ZNF341: variants seen among roughly 807,000 people sequenced by gnomAD.
The protein encoded by ZNF341 is zinc finger protein 341.
Under a neutral mutation model 87.7 loss-of-function variants are expected in ZNF341, and 52 were observed. The ratio of observed to expected loss-of-function variants is 0.59; its 90% CI spans 0.47 to 0.75. The LOEUF (loss-of-function observed/expected upper bound fraction) is 0.75. ZNF341 is among the 30% of genes least tolerant of loss of function. ZNF341 has a pLI of 0.00. For synonymous variants in ZNF341, 459 were observed against 472.7 expected (o/e 0.97, Z 0.38); for missense variants, 977 against 1,145.9 (o/e 0.85, Z 2.13).
rs1397842945 is a variant in ZNF341, at chr20:33,791,685, C to A, written c.*168C>A. On this transcript the variant is annotated 3_prime_UTR_variant, in exon 15 of 15. Coordinates refer to ENST00000375200, the MANE Select transcript of ZNF341 (RefSeq NM_001282933.2). ...CTCAGCCCATGGTCGCCCTCCTGTG[C>A]CCCTCTCCTGCCGGAAAGCCCTGCA... The A allele has an allele frequency of 3.9e-6, 3 of 762,840 alleles. No individual in the cohort carries two copies. In the African/African-American group the frequency reaches 5.2e-5, roughly 13 times the overall value. The allele number at this position is 762,840 out of a possible 1,614,324, so 47.3% of individuals were successfully genotyped here. A position where few individuals can be genotyped will look rare whatever the true frequency, so the allele number is the denominator to read the frequency against.
chr20:33,744,948 T>C (rs1052736169), intron 2 of ZNF341, among the ~76,000 whole-genome samples, 155 bp from the exon 3 acceptor site: 1 of 152,176 alleles, frequency 6.6e-6, no homozygotes, highest in African/African-American at 2.4e-5. Context: ...GACACCTGCA[T>C]GTCAAGTCGC....
At chr20:33,779,582 C>G (rs2019699093) in intron 10 of ZNF341, among the ~76,000 whole-genome samples, 1 of 151,764 alleles carries the variant, frequency 6.6e-6, no homozygotes, top group African/African-American at 2.4e-5. Context: ...TCCTGAGTAG[C>G]TGGGGTTACA....
intron 5 of ZNF341, 102 bp downstream of exon 5, chr20:33,753,525 G>A (rs535289945): frequency 6.6e-4 from 935 of 1,421,850 alleles, no homozygotes; most frequent in Middle Eastern, 9.1e-4. Flanking sequence ...CTGTGCTGGG[G>A]ATACCATGAA....
chr20:33,772,023 A>AAAAAAAAAC (rs2019543995), intron 10 of ZNF341, among the ~76,000 whole-genome samples: 1 of 149,726 alleles, frequency 6.7e-6, no homozygotes, highest in African/African-American at 2.5e-5. Flanking sequence ...AAAAAAAAAA[A>AAAAAAAAAC]AAAAAAAAAA....
At chr20:33,756,320 G>A (rs1423065933) in intron 5 of ZNF341, among the ~76,000 whole-genome samples, 1 of 151,826 alleles carries the variant, frequency 6.6e-6, no homozygotes. Context: ...AGGAAGTGGA[G>A]CAGCTGGGGG....
chr20:33,737,294 G>GT (rs2018709469), intron 1 of ZNF341, among the ~76,000 whole-genome samples: 2 of 152,120 alleles, frequency 1.3e-5, no homozygotes, highest in Non-Finnish European at 2.9e-5. Context: ...CAGAGACTAG[G>GT]TTTTTTATTT....
rs187023136 is a variant in ZNF341, at chr20:33,753,480, C to T, written c.741+57C>T. 4.2e-4 allele frequency: 628 copies of T among 1,486,338 alleles called. 8 individuals are homozygous for T. The East Asian group carries it at 0.01, about 24-fold the overall frequency. 92.1% of individuals were successfully genotyped at this position (1,486,338 alleles called of 1,614,324 possible). On this transcript the variant is annotated intron_variant, in intron 5 of 14. Coordinates refer to ENST00000375200, the MANE Select transcript of ZNF341 (RefSeq NM_001282933.2). ...CTGGTCATGGACATCATGGCCAACC[C>T]GGACCCATCCTGAGCACCAGCTGTG...
In ZNF341 at chr20:33,791,119, C is replaced by T. The variant is rs549813049; in HGVS notation, c.2167C>T (p.His723Tyr). 24 of 1,613,258 alleles carry T rather than the reference C, an allele frequency of 1.5e-5. No homozygotes were observed. Among genetic ancestry groups the T allele is most frequent in the Middle Eastern group, 1.6e-4 (1 of 6,084 alleles). The stretch of plus-strand genomic sequence containing the variant: ...TGGCTGCGCCAAGGGCTTTTCCCGC[C>T]ACAAATACCTCAAAGATCACCGCTG... Reference protein sequence around the residue: ...CAGCAKGFSRHKYLKDHRCRL... With the variant: ...CAGCAKGFSRYKYLKDHRCRL... The change falls in exon 15 of 15, where the codon CAC becomes TAC. Residue 723 changes from histidine (H) to tyrosine (Y), a missense_variant. Around this residue, in one of 3 missense-constraint regions of ZNF341, gnomAD observed 221 missense variants for 212.7 expected, o/e 1.04. Transcript: ENST00000375200.
At chr20:33,760,007 C>A (rs183149833) in intron 7 of ZNF341, among the ~76,000 whole-genome samples, 32 of 152,332 alleles carry the variant, frequency 2.1e-4, no homozygotes, top group African/African-American at 7.2e-4. Context: ...CTGTGACAAT[C>A]AAAAATGCCA....
rs2020025023 is a variant in ZNF341 at position 33,791,363 on chromosome 20, T to C, written c.2411T>C (p.Val804Ala). The C allele has an allele frequency of 6.2e-7, 1 of 1,612,606 alleles. No individual in the cohort carries two copies. Among genetic ancestry groups the C allele is most frequent in the African/African-American group, 1.3e-5 (1 of 75,014 alleles). The change falls in exon 15 of 15, where the codon GTT becomes GCT. Residue 804 changes from valine to alanine, a missense_variant. Physicochemically the swap from Val to Ala is moderately conservative, Grantham distance 64. Around this residue, in one of 3 missense-constraint regions of ZNF341, gnomAD observed 221 missense variants for 212.7 expected, o/e 1.04. Coordinates refer to ENST00000375200, the MANE Select transcript of ZNF341 (RefSeq NM_001282933.2). ...GAGCCGGACGCGGTGCTGTCCATCG[T>C]TGTGGGTGGTGCGGTGGGCGCGGAA... ...FAEPDAVLSI[V>A]VGGAVGAETE...
chr20:33,783,805 T>G lies in ZNF341; in HGVS notation c.1793T>G (p.Val598Gly). ...AGCGGGGGCAGGTTCAAGTGCCAAGTGTGCAAGAAGTTCTTCCGGCGGGAG... is the reference window on the plus strand; with the variant it reads ...AGCGGGGGCAGGTTCAAGTGCCAAGGGTGCAAGAAGTTCTTCCGGCGGGAG... Reference protein sequence around the residue: ...HGSGGRFKCQVCKKFFRREHY... With the variant: ...HGSGGRFKCQGCKKFFRREHY... Residue 598 changes from valine to glycine, a missense_variant, in exon 12 of 15, where the codon GTG becomes GGG. Physicochemically the swap from Val to Gly is moderately radical, Grantham distance 109. Coordinates refer to ENST00000375200, the MANE Select transcript of ZNF341 (RefSeq NM_001282933.2). The G allele has an allele frequency of 6.2e-7, 1 of 1,613,752 alleles. No homozygotes were observed. The highest frequency in any genetic ancestry group is 8.5e-7 in the Non-Finnish European group (1 of 1,179,854).
At chr20:33,748,114 C>T (rs2018971787) in intron 3 of ZNF341, among the ~76,000 whole-genome samples, 1 of 151,808 alleles carries the variant, frequency 6.6e-6, no homozygotes, top group African/African-American at 2.4e-5. Context: ...ACTCTGTCGC[C>T]AGGCTGGAGT....
intron 2 of ZNF341, among the ~76,000 whole-genome samples, chr20:33,741,393 C>T (rs984902954): frequency 3.5e-5 from 5 of 141,904 alleles, no homozygotes; most frequent in African/African-American, 1.0e-4. Flanking sequence ...TAAGGGTCTT[C>T]TTTTTTTTTT....
At chr20:33,787,438 G>A (rs1191278742) in intron 12 of ZNF341, 1 of 152,104 alleles carries the variant, frequency 6.6e-6, no homozygotes, top group Non-Finnish European at 1.5e-5. Context: ...TTTCCGTATC[G>A]ACTGGGTTGA....
intron 12 of ZNF341, among the ~76,000 whole-genome samples, chr20:33,784,968 G>C (rs1053666914): frequency 6.6e-6 from 1 of 152,178 alleles, no homozygotes; most frequent in Admixed American, 6.5e-5. Context: ...TGCTCTCACT[G>C]TAAGTTCCCA....
Position 33,791,455 on chromosome 20 carries a change from G to A in ZNF341, c.2503G>A (p.Ala835Thr), listed in dbSNP as rs1455503337. Residue 835 changes from alanine to threonine, a missense_variant, in exon 15 of 15, where the codon GCT (alanine) becomes ACT (threonine). By Grantham distance (58) the Ala-to-Thr change is moderately conservative. Coordinates refer to ENST00000375200, the MANE Select transcript of ZNF341 (RefSeq NM_001282933.2). ...GSNLALAELQAGAEGPCAMLA... is the reference protein window; with the variant it reads ...GSNLALAELQTGAEGPCAMLA... ...CAACCTGGCTCTGGCGGAGCTGCAG[G>A]CTGGGGCCGAGGGCCCATGTGCCAT... 1 of 1,606,958 alleles carries A rather than the reference G, an allele frequency of 6.2e-7. No homozygotes were observed. The highest frequency in any genetic ancestry group is 1.1e-5 in the South Asian group (1 of 90,726).
intron 3 of ZNF341, among the ~76,000 whole-genome samples, chr20:33,745,748 G>C (rs2018904295): frequency 1.3e-5 from 2 of 152,098 alleles, no homozygotes; most frequent in South Asian, 4.2e-4. Flanking sequence ...CGGCTGGTTT[G>C]GGGAAGGAAG....
At chr20:33,768,919 A>G (rs1041650483) in intron 9 of ZNF341, among the ~76,000 whole-genome samples, 1 of 152,188 alleles carries the variant, frequency 6.6e-6, no homozygotes, top group Non-Finnish European at 1.5e-5. Flanking sequence ...TACTTAACTC[A>G]TTAGTGAGGA....
intron 4 of ZNF341, chr20:33,752,117 C>A (rs758732824): frequency 6.2e-5 from 24 of 386,654 alleles, no homozygotes; most frequent in African/African-American, 1.7e-4. Flanking sequence ...AGCCCCCCCC[C>A]CTTTTTTTTT....
Sources: allele counts gnomAD v4.1 joint callset (sites outside exome capture counted in the v4.1 genomes callset), GRCh38; gene constraint gnomAD v4.1.1; regional missense constraint gnomAD v4.1.1; transcripts MANE v1.5; gene names NCBI Gene and HGNC (gene_info 2026-07-23, HGNC 2026-07-21).